RBFOX1: variants seen among roughly 807,000 people sequenced by gnomAD.
The protein encoded by RBFOX1 is RNA binding fox-1 homolog 1.
Under a neutral mutation model 57.7 loss-of-function variants are expected in RBFOX1, and 8 were observed. The observed-to-expected ratio is 0.14, with a 90% CI of 0.08 to 0.25. The LOEUF is 0.25. Ranked by LOEUF, RBFOX1 falls within the 10% of genes least tolerant of loss-of-function variation. The probability of loss-of-function intolerance (pLI) is 1.00; values close to 1 mark genes in which losing one functional copy is unlikely to be tolerated. For missense variants in RBFOX1, 611 were observed against 548.5 expected, an observed-to-expected ratio of 1.11 and a Z score of -1.14; for synonymous variants, 326 against 222.4, an observed-to-expected ratio of 1.47 and a Z score of -4.15.
intron 4 of RBFOX1, among the ~76,000 whole-genome samples, chr16:7,330,638 G>T (rs1603623360): frequency 6.6e-6 from 1 of 151,962 alleles, no homozygotes; most frequent in Non-Finnish European, 1.5e-5. Context: ...TCTTGATTAA[G>T]AGTAAGGGGA....
chr16:5,497,187 GGTT>G (rs2151686509), intron 2 of RBFOX1, among the ~76,000 whole-genome samples: 1 of 152,170 alleles, frequency 6.6e-6, no homozygotes, highest in African/African-American at 2.4e-5. Context: ...CTTTCACCGG[GGTT>G]GGTGAATTTA....
At chr16:5,558,161 T>A (rs1567228773) in intron 2 of RBFOX1, among the ~76,000 whole-genome samples, 1 of 152,202 alleles carries the variant, frequency 6.6e-6, no homozygotes, top group Non-Finnish European at 1.5e-5. Context: ...TCCGGTATGC[T>A]GGGCGAGAAC....
At chr16:7,656,015 C>G in intron 12 of RBFOX1, among the ~76,000 whole-genome samples, 1 of 118,956 alleles carries the variant, frequency 8.4e-6, no homozygotes, top group East Asian at 5.2e-4. Flanking sequence ...TTTGTAACTA[C>G]TTGGGATGAA....
intron 1 of RBFOX1, among the ~76,000 whole-genome samples, chr16:6,263,809 C>G (rs1436728588): frequency 6.6e-6 from 1 of 152,204 alleles, no homozygotes; most frequent in Non-Finnish European, 1.5e-5. Context: ...ACCACTCCAT[C>G]TGTGAACTAG....
chr16:7,480,289 CCTT>C (rs1042348130), intron 4 of RBFOX1, among the ~76,000 whole-genome samples: 3 of 152,136 alleles, frequency 2.0e-5, no homozygotes, highest in African/African-American at 4.8e-5. Flanking sequence ...GACATCTAGT[CCTT>C]CTTCTGTGTT....
At chr16:7,569,580 T>C (rs990854351) in intron 5 of RBFOX1, among the ~76,000 whole-genome samples, 1 of 152,200 alleles carries the variant, frequency 6.6e-6, no homozygotes. Context: ...TTAGCAACCT[T>C]AATTCTCCAT....
intron 1 of RBFOX1, among the ~76,000 whole-genome samples, chr16:6,086,293 G>A (rs1455817155): frequency 6.6e-6 from 1 of 152,152 alleles, no homozygotes; most frequent in Non-Finnish European, 1.5e-5. Flanking sequence ...CATGCTAAGT[G>A]CTTTCCCCGA....
intron 4 of RBFOX1, among the ~76,000 whole-genome samples, chr16:7,188,217 T>A (rs1249193424): frequency 6.6e-6 from 1 of 152,234 alleles, no homozygotes; most frequent in Non-Finnish European, 1.5e-5. Context: ...TGAGCCTGTG[T>A]GCATTCTGCA....
intron 4 of RBFOX1, among the ~76,000 whole-genome samples, chr16:7,448,431 C>G (rs189968065): frequency 6.6e-6 from 1 of 152,088 alleles, no homozygotes; most frequent in African/African-American, 2.4e-5. Flanking sequence ...TGCAAAGACA[C>G]GTTTTACATG....
At chr16:6,548,092 G>A (rs2096920765) in intron 2 of RBFOX1, among the ~76,000 whole-genome samples, 1 of 152,124 alleles carries the variant, frequency 6.6e-6, no homozygotes, top group Non-Finnish European at 1.5e-5. Flanking sequence ...GTTCTTTGAA[G>A]GATACACATA....
intron 3 of RBFOX1, among the ~76,000 whole-genome samples, chr16:7,032,684 G>T (rs184194305): frequency 6.6e-6 from 1 of 152,068 alleles, no homozygotes; most frequent in Admixed American, 6.5e-5. Flanking sequence ...AATAATTCCA[G>T]TGAACACATG....
At chr16:5,658,914 C>T (rs2049553402) in intron 3 of RBFOX1, among the ~76,000 whole-genome samples, 1 of 150,946 alleles carries the variant, frequency 6.6e-6, no homozygotes, top group Admixed American at 6.6e-5. Context: ...TTTATCCACT[C>T]GTTAATTGAT....
intron 2 of RBFOX1, among the ~76,000 whole-genome samples, chr16:6,549,395 GGGA>G (rs201418449): frequency 0.013 from 97 of 7,332 alleles, 8 homozygotes; most frequent in African/African-American, 0.017. Context: ...GGACGAGGGA[GGGA>G]GGAGGAGGAG....
chr16:7,633,103 A>G (rs8048341), intron 11 of RBFOX1, among the ~76,000 whole-genome samples: 90,001 of 152,010 alleles, frequency 0.59, 28,023 homozygotes, highest in African/African-American at 0.79. Context: ...ATGAAGAATG[A>G]TGTTTAGATT....
At chr16:5,884,900 T>G (rs1201096107) in intron 4 of RBFOX1, among the ~76,000 whole-genome samples, 1 of 152,152 alleles carries the variant, frequency 6.6e-6, no homozygotes, top group Non-Finnish European at 1.5e-5. Context: ...TGCCATAGTC[T>G]GGTGCACTCA....
chr16:7,424,402 G>A (rs764938997), intron 4 of RBFOX1, among the ~76,000 whole-genome samples: 79 of 152,126 alleles, frequency 5.2e-4, no homozygotes, highest in Non-Finnish European at 8.7e-4. Context: ...TGGGAATACA[G>A]AAGGGCATCA....
intron 5 of RBFOX1, among the ~76,000 whole-genome samples, chr16:7,530,423 C>T (rs909558884): frequency 2.6e-5 from 4 of 151,924 alleles, no homozygotes; most frequent in Non-Finnish European, 5.9e-5. Context: ...CTCTGTTTCT[C>T]TTTGCTATCC....
At chr16:5,512,028 C>G (rs924303066) in intron 2 of RBFOX1, among the ~76,000 whole-genome samples, 1 of 152,202 alleles carries the variant, frequency 6.6e-6, no homozygotes, top group African/African-American at 2.4e-5. Flanking sequence ...CAAAGGACCC[C>G]AAACCACTTA....
chr16:7,012,332 C>G (rs550816228), intron 3 of RBFOX1, among the ~76,000 whole-genome samples: 2 of 152,300 alleles, frequency 1.3e-5, no homozygotes, highest in South Asian at 4.1e-4. Context: ...CTACTAGTGA[C>G]AGACCTGGGA....
Sources: gnomAD v4.1 joint callset for allele counts (sites outside exome capture counted in the v4.1 genomes callset) on GRCh38, gnomAD v4.1.1 for gene constraint, MANE v1.5 for transcripts, NCBI Gene and HGNC (gene_info 2026-07-23, HGNC 2026-07-21) for gene names.